MYRIP: variants seen among roughly 807,000 people sequenced by gnomAD.
MYRIP encodes the protein myosin VIIA and Rab interacting protein, also known as rab effector MyRIP.
Under a neutral mutation model 98.0 loss-of-function variants are expected in MYRIP, and 49 were observed. The ratio of observed to expected loss-of-function variants is 0.50; its 90% CI spans 0.40 to 0.63. The LOEUF (loss-of-function observed/expected upper bound fraction) is 0.63, where lower values mean the gene tolerates loss of function less well. Among genes scored for constraint, MYRIP ranks in the 30% least tolerant of loss-of-function variants. The pLI, the probability that MYRIP is intolerant of heterozygous loss-of-function variation, is 0.00. For synonymous variants in MYRIP, 404 were observed against 409.5 expected (o/e 0.99, Z 0.16); for missense variants, 1,004 against 1,058.2 (o/e 0.95, Z 0.71).
chr3:40,235,069 T>C (rs1355114781), intron 12 of MYRIP, among the ~76,000 whole-genome samples: 2 of 152,030 alleles, frequency 1.3e-5, no homozygotes, highest in Non-Finnish European at 2.9e-5. Flanking sequence ...AGCCTCCTTG[T>C]GCCATTAGCA....
chr3:39,912,554 G>A (rs974742402), intron 2 of MYRIP, among the ~76,000 whole-genome samples: 1 of 152,128 alleles, frequency 6.6e-6, no homozygotes, highest in East Asian at 1.9e-4. Flanking sequence ...GGAATAAGAC[G>A]TATAGTTTTA....
chr3:40,121,431 T>C (rs1256722512), intron 3 of MYRIP, among the ~76,000 whole-genome samples: 1 of 152,156 alleles, frequency 6.6e-6, no homozygotes, highest in African/African-American at 2.4e-5. Context: ...TTTTGACAAC[T>C]ATCTGTGGCA....
At chr3:40,014,104 T>G (rs1403498194) in intron 2 of MYRIP, among the ~76,000 whole-genome samples, 1 of 152,232 alleles carries the variant, frequency 6.6e-6, no homozygotes, top group Non-Finnish European at 1.5e-5. Flanking sequence ...AGGAGGCATT[T>G]TTTTGGGTTT....
intron 1 of MYRIP, among the ~76,000 whole-genome samples, chr3:39,844,508 G>A (rs1941902258): frequency 6.6e-6 from 1 of 152,222 alleles, no homozygotes; most frequent in Non-Finnish European, 1.5e-5. Context: ...AACAGGCATA[G>A]GTGGCATAGG....
At chr3:40,161,247 T>C (rs1950387780) in intron 4 of MYRIP, among the ~76,000 whole-genome samples, 1 of 152,172 alleles carries the variant, frequency 6.6e-6, no homozygotes, top group Non-Finnish European at 1.5e-5. Flanking sequence ...CACATCATAC[T>C]AAATGACACC....
intron 4 of MYRIP, among the ~76,000 whole-genome samples, chr3:40,160,751 G>A (rs557400604): frequency 3.9e-5 from 6 of 152,304 alleles, no homozygotes; most frequent in Admixed American, 1.3e-4. Context: ...GGAGTGACCC[G>A]ATTTTCCAGG....
At chr3:40,175,594 C>T (rs999199280) in intron 8 of MYRIP, among the ~76,000 whole-genome samples, 1 of 152,258 alleles carries the variant, frequency 6.6e-6, no homozygotes, top group East Asian at 1.9e-4. Flanking sequence ...TGGGCAGGAA[C>T]CCTCTCACCA....
At chr3:40,034,823 C>T (rs1302118104) in intron 2 of MYRIP, among the ~76,000 whole-genome samples, 2 of 151,824 alleles carry the variant, frequency 1.3e-5, no homozygotes, top group African/African-American at 2.4e-5. Flanking sequence ...GGAACCAACC[C>T]AAATGTCCAA....
At chr3:40,185,878 C>T (rs113658851) in intron 9 of MYRIP, among the ~76,000 whole-genome samples, 2,343 of 152,082 alleles carry the variant, frequency 0.015, 39 homozygotes, top group South Asian at 0.065. Context: ...CAATGAGCCC[C>T]GTCGCCCCTA....
At chr3:40,252,946 GCTAA>G (rs1575685253) in intron 16 of MYRIP, among the ~76,000 whole-genome samples, 1 of 152,156 alleles carries the variant, frequency 6.6e-6, no homozygotes, top group South Asian at 2.1e-4. Context: ...AAGCTCAACA[GCTAA>G]CTATCTTAAA....
chr3:39,897,340 T>C (rs1426615188), intron 1 of MYRIP, among the ~76,000 whole-genome samples: 2 of 152,228 alleles, frequency 1.3e-5, no homozygotes, highest in East Asian at 3.8e-4. Flanking sequence ...CTCATATTTA[T>C]TTCACCTTAG....
At chr3:39,862,902 C>T (rs1406720649) in intron 1 of MYRIP, among the ~76,000 whole-genome samples, 1 of 152,160 alleles carries the variant, frequency 6.6e-6, no homozygotes, top group East Asian at 1.9e-4. Flanking sequence ...ATAAAACAAT[C>T]TTCAGTGCCT....
chr3:39,993,200 C>T (rs963052122), intron 2 of MYRIP, among the ~76,000 whole-genome samples: 3 of 152,110 alleles, frequency 2.0e-5, no homozygotes, highest in Non-Finnish European at 2.9e-5. Context: ...CTGAACCTGT[C>T]CTTTTATAAG....
At chr3:39,861,217 C>T (rs954936412) in intron 1 of MYRIP, among the ~76,000 whole-genome samples, 4 of 152,192 alleles carry the variant, frequency 2.6e-5, no homozygotes, top group Non-Finnish European at 4.4e-5. Flanking sequence ...ATGCAGCTCA[C>T]GAGTCCTCAG....
At chr3:40,235,702 G>C (rs922134458) in intron 12 of MYRIP, among the ~76,000 whole-genome samples, 3 of 152,198 alleles carry the variant, frequency 2.0e-5, no homozygotes, top group African/African-American at 7.2e-5. Flanking sequence ...TGAGGACCCT[G>C]ACTTAGGTAG....
At chr3:39,814,068 G>A (rs554758612) in intron 1 of MYRIP, among the ~76,000 whole-genome samples, 1 of 152,244 alleles carries the variant, frequency 6.6e-6, no homozygotes, top group African/African-American at 2.4e-5. Context: ...TATATTACAA[G>A]GAATATCCTT....
intron 2 of MYRIP, among the ~76,000 whole-genome samples, chr3:39,939,435 C>G (rs1049351886): frequency 1.3e-5 from 2 of 152,026 alleles, no homozygotes; most frequent in African/African-American, 4.8e-5. Context: ...AAAAATAAAG[C>G]AGGACATAAA....
chr3:40,090,155 G>T (rs1363476952), intron 3 of MYRIP, among the ~76,000 whole-genome samples: 1 of 152,026 alleles, frequency 6.6e-6, no homozygotes, highest in African/African-American at 2.4e-5. Context: ...TGCATGGTGA[G>T]CTTTGAGACC....
At chr3:40,188,575 C>T (rs935607653) in intron 9 of MYRIP, among the ~76,000 whole-genome samples, 4 of 151,822 alleles carry the variant, frequency 2.6e-5, no homozygotes, top group Admixed American at 6.6e-5. Flanking sequence ...GTCAGGAGTT[C>T]GAGAGCAGCC....
Sources: allele counts gnomAD v4.1 joint callset (sites outside exome capture counted in the v4.1 genomes callset), GRCh38; gene constraint gnomAD v4.1.1; transcripts MANE v1.5; gene names NCBI Gene and HGNC (gene_info 2026-07-23, HGNC 2026-07-21).